Variants in TBC1D16 observed in about 807,000 individuals in gnomAD.
The protein encoded by TBC1D16 is CTD-2529O21.1.
TBC1D16 carries 58 observed loss-of-function variants against 74.7 expected under a neutral mutation model. The ratio of observed to expected loss-of-function variants is 0.78; its 90% confidence interval spans 0.63 to 0.97. The LOEUF is 0.97. Ranked by LOEUF, TBC1D16 falls within the 50% of genes least tolerant of loss-of-function variation. The probability of loss-of-function intolerance (pLI) is 0.00; values close to 1 mark genes in which losing one functional copy is unlikely to be tolerated. For missense variants in TBC1D16, 1,014 were observed against 1,079.5 expected (o/e 0.94, Z 0.85); for synonymous variants, 493 against 474.7 (o/e 1.04, Z -0.50).
At chr17:80,003,468 G>T (rs759276797) in intron 3 of TBC1D16, among the ~76,000 whole-genome samples, 16 of 152,216 alleles carry the variant, frequency 1.1e-4, no homozygotes, top group Middle Eastern at 3.2e-3. Context: ...TCACTGGAAG[G>T]ACCTCAGTGA....
chr17:79,997,790 GAC>G (rs1189724903), intron 3 of TBC1D16, among the ~76,000 whole-genome samples: 3 of 152,164 alleles, frequency 2.0e-5, no homozygotes. Context: ...GGGTTTCAGA[GAC>G]ACAGTGGCAG....
Position 79,961,352 on chromosome 17 carries a change from G to A in TBC1D16, c.780-8534C>T, listed in dbSNP as rs774330488. Among the ~76,000 whole-genome samples, 2 of 152,214 alleles carry A rather than the reference G, an allele frequency of 1.3e-5. No individual in the cohort carries two copies. The highest frequency in any genetic ancestry group is 2.9e-5 in the Non-Finnish European group (2 of 68,040). ...GTGGACAAGACTGATCATAGCAAGT[G>A]TTGCTGAGGACATGGAGGAACTGGA... On this transcript the variant is annotated intron_variant, in intron 3 of 11. Coordinates refer to ENST00000310924, the MANE Select transcript of TBC1D16 (RefSeq NM_019020.4). The surrounding 1 kb of genome is among the most constrained non-coding windows in gnomAD (Gnocchi z 4.8).
intron 3 of TBC1D16, among the ~76,000 whole-genome samples, chr17:79,977,400 C>T (rs1405427184): frequency 1.3e-5 from 2 of 152,238 alleles, no homozygotes; most frequent in Non-Finnish European, 2.9e-5. Context: ...AGACCACCTT[C>T]CCTGACGCCT....
In TBC1D16 at chr17:79,941,105, C is replaced by A. The variant is rs750051042; in HGVS notation, c.2058G>T (p.Ala686=). 2 of 1,568,996 alleles carry A rather than the reference C, an allele frequency of 1.3e-6. No individual in the cohort carries two copies. The highest frequency in any genetic ancestry group is 1.7e-6 in the Non-Finnish European group (2 of 1,153,318). Residue 686 remains alanine, a splice_region_variant and synonymous_variant, in exon 12 of 12, where the codon GCG becomes GCT. Coordinates refer to ENST00000310924, the MANE Select transcript of TBC1D16 (RefSeq NM_019020.4). This position sits in a 1 kb window ranked among gnomAD's most constrained non-coding sequence, Gnocchi z 4.3. ...GGCGGAACTGGTACAGCAAACTCCT[C>A]GCCTGCAGACAGAGGACGGGGGGTG... ...HMNGELVLRK[A]RSLLYQFRLL...
chr17:80,034,549 A>C lies in TBC1D16; in HGVS notation c.-63+1246T>G, dbSNP rs183515891. Among the ~76,000 whole-genome samples the C allele has an allele frequency of 4.0e-3, 606 of 152,314 alleles. 3 individuals are homozygous for C. Among genetic ancestry groups the C allele is most frequent in the Admixed American group, 7.3e-3 (112 of 15,292 alleles). ...CTTTCGTTAGCCATAGTCTCACCAT[A>C]AACATGCCACTTACAAAAAAATATG... is the stretch of plus-strand genomic sequence containing the variant. On this transcript the variant is annotated intron_variant, in intron 1 of 11. Transcript: ENST00000310924.
At chr17:79,998,308 C>A (rs1355992988) in intron 3 of TBC1D16, among the ~76,000 whole-genome samples, 1 of 151,176 alleles carries the variant, frequency 6.6e-6, no homozygotes, top group African/African-American at 2.4e-5. Context: ...AATCATGCAG[C>A]TTGCAGCCTT....
chr17:80,010,222 G>C lies in TBC1D16; in HGVS notation c.717C>G (p.Leu239=). 2.5e-6 allele frequency: 4 copies of C among 1,613,384 alleles called. No homozygotes were observed. Among genetic ancestry groups the C allele is most frequent in the Non-Finnish European group, 3.4e-6 (4 of 1,179,864 alleles). ...CGGCCAGCGCCGCGCTGATGGGCGAGAGGCAGAAGGGCGAGGAGAAGGTGT... is the reference window on the plus strand; with the variant it reads ...CGGCCAGCGCCGCGCTGATGGGCGACAGGCAGAAGGGCGAGGAGAAGGTGT... ...DSDTFSSPFC[L]SPISAALAES... Residue 239 remains leucine (L), a synonymous_variant, in exon 3 of 12, where the codon CTC becomes CTG. Coordinates refer to ENST00000310924, the MANE Select transcript of TBC1D16 (RefSeq NM_019020.4). This position sits in a 1 kb window ranked among gnomAD's most constrained non-coding sequence, Gnocchi z 8.8.
At position 79,975,280 on chromosome 17, in the gene TBC1D16, T is replaced by C. The variant is rs1247365925; in HGVS notation, c.780-22462A>G. Among the ~76,000 whole-genome samples the C allele has an allele frequency of 1.3e-5, 2 of 152,202 alleles. No individual in the cohort carries two copies. The highest frequency in any genetic ancestry group is 6.5e-5 in the Admixed American group (1 of 15,284). ...TCAAGGAAGAACAAAACAAACCCGATCTCCTGTAATCTACCTGGATTGGAA... is the reference window on the plus strand; with the variant it reads ...TCAAGGAAGAACAAAACAAACCCGACCTCCTGTAATCTACCTGGATTGGAA... On this transcript the variant is annotated intron_variant, in intron 3 of 11. Transcript: ENST00000310924. This position sits in a 1 kb window ranked among gnomAD's most constrained non-coding sequence, Gnocchi z 4.5.
chr17:79,998,816 TATGA>T (rs1254460140), intron 3 of TBC1D16, among the ~76,000 whole-genome samples: 1 of 152,184 alleles, frequency 6.6e-6, no homozygotes, highest in Non-Finnish European at 1.5e-5. Context: ...ACCGCGCCCG[TATGA>T]ATGAAGTGGT....
intron 3 of TBC1D16, among the ~76,000 whole-genome samples, chr17:80,005,817 C>T (rs894526494): frequency 2.0e-5 from 3 of 152,088 alleles, no homozygotes; most frequent in African/African-American, 7.2e-5. Flanking sequence ...GTGGGCAGCC[C>T]GGGGGATACT....
In TBC1D16 at chr17:80,009,089, G is replaced by T. The variant is rs1334079508; in HGVS notation, c.779+1071C>A. On this transcript the variant is annotated intron_variant, in intron 3 of 11. Coordinates refer to ENST00000310924, the MANE Select transcript of TBC1D16 (RefSeq NM_019020.4). This position sits in a 1 kb window ranked among gnomAD's most constrained non-coding sequence, Gnocchi z 5.4. Reference sequence around the variant, plus strand: ...GGAGGGCCCACCTCACGGGGCGTGGGGCTGTGGAAAGCACACACGTACCAT... The same window carrying T: ...GGAGGGCCCACCTCACGGGGCGTGGTGCTGTGGAAAGCACACACGTACCAT... Among the ~76,000 whole-genome samples, 1 of 152,232 alleles carries T rather than the reference G, an allele frequency of 6.6e-6. No individual in the cohort carries two copies. Among genetic ancestry groups the T allele is most frequent in the African/African-American group, 2.4e-5 (1 of 41,466 alleles).
At chr17:80,018,572 G>A (rs1011016373) in intron 1 of TBC1D16, among the ~76,000 whole-genome samples, 5 of 149,036 alleles carry the variant, frequency 3.4e-5, no homozygotes, top group African/African-American at 1.0e-4. Flanking sequence ...GTGAGCCACC[G>A]TGCCCAGCCT....
At chr17:79,969,874 G>A (rs1192231433) in intron 3 of TBC1D16, among the ~76,000 whole-genome samples, 3 of 152,104 alleles carry the variant, frequency 2.0e-5, no homozygotes, top group African/African-American at 7.2e-5. Context: ...CCCGGGAGGC[G>A]GAGGTTGCAG....
At chr17:80,006,626 C>T (rs952335045) in intron 3 of TBC1D16, among the ~76,000 whole-genome samples, 1 of 152,088 alleles carries the variant, frequency 6.6e-6, no homozygotes, top group Admixed American at 6.6e-5. Context: ...CGCCCAGCCC[C>T]TTTCAGAATC....
Position 79,974,396 on chromosome 17 carries a change from G to A in TBC1D16, c.780-21578C>T, listed in dbSNP as rs551875759. 7.2e-5 allele frequency among the ~76,000 whole-genome samples: 11 copies of A among 152,094 alleles called. No homozygotes were observed. The South Asian group carries it at 1.0e-3, about 14-fold the overall frequency. On this transcript the variant is annotated intron_variant, in intron 3 of 11. Transcript: ENST00000310924. ...TGGGATTACAGACATACACCACCAC[G>A]CCTGGCTAATTTTTGTATTTTTAGA...
chr17:79,978,001 G>A (rs932407016), intron 3 of TBC1D16, among the ~76,000 whole-genome samples: 1 of 152,242 alleles, frequency 6.6e-6, no homozygotes. Flanking sequence ...GCTCTATTAG[G>A]CTCAAGCTGC....
intron 3 of TBC1D16, among the ~76,000 whole-genome samples, chr17:79,996,795 G>T (rs1376497046): frequency 6.6e-6 from 1 of 152,096 alleles, no homozygotes; most frequent in African/African-American, 2.4e-5. Flanking sequence ...GTGCATTTGT[G>T]GGAATTTATC....
chr17:79,953,217 G>C (rs1036831582), intron 3 of TBC1D16, among the ~76,000 whole-genome samples: 1 of 152,162 alleles, frequency 6.6e-6, no homozygotes, highest in African/African-American at 2.4e-5. Flanking sequence ...CTACAGCGTG[G>C]GGCTGGGCTT....
rs1373941101 is a variant in TBC1D16, at chr17:79,937,097, G to A, written c.*3762C>T. On this transcript the variant is annotated 3_prime_UTR_variant, in exon 12 of 12. Transcript: ENST00000310924. ...CAACCCCCTCCAAGGGTGGAGCCTT[G>A]GCACCCCCAGCCCCCACCCCGCAAG... 6.6e-6 allele frequency: 1 copy of A among 151,980 alleles called. No homozygotes were observed. The highest frequency in any genetic ancestry group is 2.4e-5 in the African/African-American group (1 of 41,348). 9.4% of individuals were successfully genotyped at this position (151,980 alleles called of 1,614,324 possible).
Sources: allele counts gnomAD v4.1 joint callset (sites outside exome capture counted in the v4.1 genomes callset), GRCh38; gene constraint gnomAD v4.1.1; non-coding constraint Gnocchi (gnomAD v3.1); transcripts MANE v1.5; gene names NCBI Gene and HGNC (gene_info 2026-07-23, HGNC 2026-07-21).